SSC5D: variants seen among roughly 807,000 people sequenced by gnomAD.
SSC5D encodes the protein soluble scavenger receptor cysteine-rich domain-containing protein SSC5D.
In SSC5D, 106 loss-of-function variants were observed where a neutral mutation model predicts 104.6. That is an observed-to-expected ratio of 1.01 (90% CI 0.87 to 1.19). The LOEUF is 1.19. SSC5D is among the 50% of genes most tolerant of loss of function. The probability of loss-of-function intolerance (pLI) is 0.00; values close to 1 mark genes in which losing one functional copy is unlikely to be tolerated. For synonymous variants in SSC5D, 860 were observed against 883.5 expected (o/e 0.97, Z 0.47); for missense variants, 1,993 against 2,153.8 (o/e 0.93, Z 1.48).
intron 8 of SSC5D, among the ~76,000 whole-genome samples, chr19:55,495,974 TA>T (rs555329474): frequency 2.0e-5 from 3 of 148,990 alleles, no homozygotes; most frequent in Non-Finnish European, 4.5e-5. Context: ...CTCCTGGCCT[TA>T]GGTGATCCTC....
intron 12 of SSC5D, among the ~76,000 whole-genome samples, chr19:55,504,834 G>C (rs1049547646): frequency 6.6e-6 from 1 of 152,128 alleles, no homozygotes; most frequent in Admixed American, 6.6e-5. Context: ...GGGGCGCCAG[G>C]GTTGTTGGAA....
At chr19:55,507,162 C>T (rs767296738) in intron 12 of SSC5D, among the ~76,000 whole-genome samples, 12 of 149,596 alleles carry the variant, frequency 8.0e-5, no homozygotes, top group Non-Finnish European at 1.2e-4. Flanking sequence ...GAGACTGTCT[C>T]GAAAAAAATA....
At chr19:55,505,290 A>C (rs923380065) in intron 12 of SSC5D, among the ~76,000 whole-genome samples, 1 of 151,744 alleles carries the variant, frequency 6.6e-6, no homozygotes, top group East Asian at 1.9e-4. Flanking sequence ...AGATGATATT[A>C]TTTCATCAGC....
In SSC5D at chr19:55,500,202, G is replaced by A. The variant is rs140695868; in HGVS notation, c.2092G>A (p.Ala698Thr). Reference protein sequence around the residue: ...APQRWTSHTTATLTPQAPRER... With the variant: ...APQRWTSHTTTTLTPQAPRER... The stretch of plus-strand genomic sequence containing the variant: ...CCAGAGATGGACCTCTCACACCACT[G>A]CCACGCTGACCCCTCAGGCCCCCCG... The change falls in exon 10 of 14, where the codon GCC (alanine) becomes ACC (threonine). Residue 698 changes from alanine to threonine, a missense_variant. Physicochemically the swap from Ala to Thr is moderately conservative, Grantham distance 58 (BLOSUM62 0). This residue lies in a region of SSC5D where 1,101 missense variants were observed against 1,085.0 expected (regional missense o/e 1.01). Coordinates refer to ENST00000389623, the MANE Select transcript of SSC5D (RefSeq NM_001144950.2). This position sits in a 1 kb window ranked among gnomAD's most constrained non-coding sequence, Gnocchi z 4.6. The A allele has an allele frequency of 5.3e-4, 826 of 1,551,132 alleles. 3 individuals are homozygous for A. The African/African-American group carries it at 0.01, about 19-fold the overall frequency.
At chr19:55,504,647 C>T (rs1362394082) in intron 12 of SSC5D, among the ~76,000 whole-genome samples, 1 of 152,122 alleles carries the variant, frequency 6.6e-6, no homozygotes, top group Non-Finnish European at 1.5e-5. Context: ...ATTACAGGCG[C>T]ACGCCACCAC....
rs868601504 is a variant in SSC5D at position 55,504,965 on chromosome 19, A to C, written c.2785+3764A>C. Among the ~76,000 whole-genome samples, 6 of 152,152 alleles carry C rather than the reference A, an allele frequency of 3.9e-5. No homozygotes were observed. In the South Asian group the frequency reaches 1.2e-3, roughly 32 times the overall value. On this transcript the variant is annotated intron_variant, in intron 12 of 13. Transcript: ENST00000389623. Reference sequence around the variant, plus strand: ...AAAAAGTGAGGCTCAGAGAAGTTTAACTTAGGAGCCACGATTATAACCTGT... The same window carrying C: ...AAAAAGTGAGGCTCAGAGAAGTTTACCTTAGGAGCCACGATTATAACCTGT...
At chr19:55,508,476 C>A (rs1253273703) in intron 12 of SSC5D, among the ~76,000 whole-genome samples, 1 of 152,148 alleles carries the variant, frequency 6.6e-6, no homozygotes, top group African/African-American at 2.4e-5. Context: ...TGAGGTGAGT[C>A]CTATCCTTAG....
chr19:55,498,511 A>C (rs1987387620), intron 9 of SSC5D, among the ~76,000 whole-genome samples: 2 of 152,208 alleles, frequency 1.3e-5, no homozygotes. Flanking sequence ...GAATCAAGGA[A>C]ATTTCCCACT....
Position 55,490,973 on chromosome 19 carries a change from A to G in SSC5D, c.788A>G (p.Asp263Gly), listed in dbSNP as rs1345994069. 2 of 1,547,362 alleles carry G rather than the reference A, an allele frequency of 1.3e-6. No individual in the cohort carries two copies. The highest frequency in any genetic ancestry group is 1.4e-5 in the African/African-American group (1 of 72,848). ...FGPGAGPVWMDDVGCGGGEQA... is the reference protein window; with the variant it reads ...FGPGAGPVWMGDVGCGGGEQA... ...CCTGGTGCAGGGCCCGTGTGGATGGACGATGTGGGGTGTGGAGGAGGAGAA... is the reference window on the plus strand; with the variant it reads ...CCTGGTGCAGGGCCCGTGTGGATGGGCGATGTGGGGTGTGGAGGAGGAGAA... The change falls in exon 6 of 14, where the codon GAC becomes GGC. Residue 263 changes from aspartate (D) to glycine (G), a missense_variant. By Grantham distance (94) the Asp-to-Gly change is moderately conservative. Around this residue, in one of 6 missense-constraint regions of SSC5D, gnomAD observed 1,101 missense variants for 1,085.0 expected, o/e 1.01. Transcript: ENST00000389623.
At chr19:55,504,673 G>A (rs539093189) in intron 12 of SSC5D, among the ~76,000 whole-genome samples, 2 of 152,270 alleles carry the variant, frequency 1.3e-5, no homozygotes, top group East Asian at 1.9e-4. Context: ...GCTAATTTTT[G>A]TATTTTTAGT....
intron 12 of SSC5D, among the ~76,000 whole-genome samples, chr19:55,509,905 G>A (rs141309933): frequency 2.0e-5 from 3 of 149,222 alleles, no homozygotes; most frequent in African/African-American, 2.5e-5. Context: ...AGAAATACGC[G>A]TATGAGAATG....
rs1425464554 is a variant in SSC5D, at chr19:55,517,507, T to G, written c.3231T>G (p.Ser1077Arg). 2 of 1,551,282 alleles carry G rather than the reference T, an allele frequency of 1.3e-6. No individual in the cohort carries two copies. Among genetic ancestry groups the G allele is most frequent in the Non-Finnish European group, 1.7e-6 (2 of 1,146,978 alleles). Residue 1077 changes from serine (S) to arginine (R), a missense_variant, in exon 14 of 14, where the codon AGT (serine) becomes AGG (arginine). Coordinates refer to ENST00000389623, the MANE Select transcript of SSC5D (RefSeq NM_001144950.2). ...TTGCTTTGTCCACCCCTGACTCCAG[T>G]GTGGTTCCCGCGTTGACCCCGGAGC... ...PDFALSTPDS[S>R]VVPALTPEPS...
chr19:55,495,693 C>T lies in SSC5D; in HGVS notation c.1387+910C>T, dbSNP rs374512537. ...CCACACGGGGCCACACAGGGAAGCA[C>T]CAGGGCCAGGCAGGAGGTAGACGGA... On this transcript the variant is annotated intron_variant, in intron 8 of 13. Transcript: ENST00000389623. Among the ~76,000 whole-genome samples, 54 of 152,082 alleles carry T rather than the reference C, an allele frequency of 3.6e-4. No individual in the cohort carries two copies. The South Asian group carries it at 4.4e-3, about 12-fold the overall frequency.
rs933559590 is a variant in SSC5D, at chr19:55,491,020, C to G, written c.835C>G (p.Arg279Gly). ...AGAACAGGCCCTCCGAGACTGCCCC[C>G]GAAGCCCCTGGGGCCGGAGCAACTG... ...GGEQALRDCPRSPWGRSNCDH... is the reference protein window; with the variant it reads ...GGEQALRDCPGSPWGRSNCDH... Residue 279 changes from arginine to glycine, a missense_variant, in exon 6 of 14, where the codon CGA (arginine) becomes GGA (glycine). Arg to Gly is a moderately radical substitution (Grantham distance 125). Around this residue, in one of 6 missense-constraint regions of SSC5D, gnomAD observed 1,101 missense variants for 1,085.0 expected, o/e 1.01. Transcript: ENST00000389623. 6.5e-7 allele frequency: 1 copy of G among 1,550,194 alleles called. No individual in the cohort carries two copies.
chr19:55,518,703 C>T lies in SSC5D; in HGVS notation c.4427C>T (p.Pro1476Leu). 6.4e-7 allele frequency: 1 copy of T among 1,550,854 alleles called. No individual in the cohort carries two copies. The highest frequency in any genetic ancestry group is 8.7e-7 in the Non-Finnish European group (1 of 1,146,838). Residue 1476 changes from proline to leucine, a missense_variant, in exon 14 of 14, where the codon CCA (proline) becomes CTA (leucine). Pro to Leu is a moderately conservative substitution (Grantham distance 98). Coordinates refer to ENST00000389623, the MANE Select transcript of SSC5D (RefSeq NM_001144950.2). ...SPGPHGPCVA[P>L]TPPVRVMACE... ...GGCCCCCATGGTCCATGTGTGGCCC[C>T]AACACCACCTGTAAGGGTCATGGCT...
rs1987966381 is a variant in SSC5D, at chr19:55,519,065, C to G, written c.*67C>G. 6.9e-7 allele frequency: 1 copy of G among 1,448,530 alleles called. No individual in the cohort carries two copies. The highest frequency in any genetic ancestry group is 2.6e-5 in the Admixed American group (1 of 39,094). The allele number at this position is 1,448,530 out of a possible 1,614,324, so 89.7% of individuals were successfully genotyped here. A position where few individuals can be genotyped will look rare whatever the true frequency, so the allele number is the denominator to read the frequency against. The stretch of plus-strand genomic sequence containing the variant: ...AAAAAACAAAAACAAAAAAAACCCC[C>G]AAAGTATCTAATTAAAAACAAGGTG... On this transcript the variant is annotated 3_prime_UTR_variant, in exon 14 of 14. Transcript: ENST00000389623.
At chr19:55,496,316 TC>T (rs1477143728) in intron 8 of SSC5D, among the ~76,000 whole-genome samples, 1 of 152,102 alleles carries the variant, frequency 6.6e-6, no homozygotes, top group Non-Finnish European at 1.5e-5. Context: ...GGAGGGGCAG[TC>T]CCTCAGGATC....
Position 55,500,103 on chromosome 19 carries a change from A to G in SSC5D, c.1993A>G (p.Thr665Ala). The G allele has an allele frequency of 1.3e-6, 2 of 1,551,374 alleles. No homozygotes were observed. Among genetic ancestry groups the G allele is most frequent in the Non-Finnish European group, 1.7e-6 (2 of 1,146,764 alleles). Residue 665 changes from threonine to alanine, a missense_variant, in exon 10 of 14, where the codon ACT becomes GCT. By Grantham distance (58) the Thr-to-Ala change is moderately conservative (BLOSUM62 0). This residue lies in a region of SSC5D where 1,101 missense variants were observed against 1,085.0 expected (regional missense o/e 1.01). Transcript: ENST00000389623. This position sits in a 1 kb window ranked among gnomAD's most constrained non-coding sequence, Gnocchi z 4.6. ...CCCCCCAGACCTAACCTCACAGACC[A>G]CTGCAGCACTGACCACTGAGGCCTC... Reference protein sequence around the residue: ...QSPPDLTSQTTAALTTEASRR... With the variant: ...QSPPDLTSQTAAALTTEASRR...
At chr19:55,515,184 G>A (rs1987842066) in intron 13 of SSC5D, among the ~76,000 whole-genome samples, 1 of 151,858 alleles carries the variant, frequency 6.6e-6, no homozygotes, top group Non-Finnish European at 1.5e-5. Flanking sequence ...ACCTGAGGTC[G>A]GGGGTTCAAG....
Sources: gnomAD v4.1 joint callset for allele counts (sites outside exome capture counted in the v4.1 genomes callset) on GRCh38, gnomAD v4.1.1 for gene constraint, gnomAD v4.1.1 regional missense constraint, Gnocchi (gnomAD v3.1) non-coding constraint, MANE v1.5 for transcripts, NCBI Gene and HGNC (gene_info 2026-07-23, HGNC 2026-07-21) for gene names.